ANK2: variants seen among roughly 807,000 people sequenced by gnomAD.
The protein encoded by ANK2 is ankyrin-2.
Under a neutral mutation model 360.5 loss-of-function variants are expected in ANK2, and 83 were observed. The observed-to-expected ratio is 0.23, with a 90% CI of 0.19 to 0.28. The LOEUF (loss-of-function observed/expected upper bound fraction) is 0.28. Among genes scored for constraint, ANK2 ranks in the 10% least tolerant of loss-of-function variants. The pLI is 1.00. For synonymous variants in ANK2, 1,740 were observed against 1,759.5 expected (o/e 0.99, Z 0.28); for missense variants, 4,201 against 4,795.7 (o/e 0.88, Z 3.66).
chr4:113,204,104 C>T (rs917511114), intron 4 of ANK2, among the ~76,000 whole-genome samples: 8 of 151,874 alleles, frequency 5.3e-5, no homozygotes, highest in African/African-American at 1.5e-4. Context: ...ATTTTTAGTT[C>T]TCATATAAGA....
In ANK2 at chr4:113,292,379, A is replaced by G. The variant is rs776456128; in HGVS notation, c.2278-37A>G. On this transcript the variant is annotated intron_variant, in intron 20 of 45. Coordinates refer to ENST00000357077, the MANE Select transcript of ANK2 (RefSeq NM_001148.6). ...AACCTAATTTTCCTCTCCCTCTGCC[A>G]ATCGGGTGCTGGGCCCGCCACCACT... 1.9e-6 allele frequency: 3 copies of G among 1,561,998 alleles called. No homozygotes were observed. In the African/African-American group the frequency reaches 4.1e-5, roughly 21 times the overall value.
In ANK2 at chr4:113,181,965, G is replaced by A. The variant is rs185294666; in HGVS notation, c.186+7448G>A. 3.1e-3 allele frequency among the ~76,000 whole-genome samples: 462 copies of A among 148,694 alleles called. 9 individuals carry two copies. The highest frequency in any genetic ancestry group is 0.026 in the Admixed American group (386 of 14,912). Reference sequence around the variant, plus strand: ...TAGTGGAAGAGTGACATACGCTGACGAGTCTTAATAGTAAGGCTCAGGCTG... The same window carrying A: ...TAGTGGAAGAGTGACATACGCTGACAAGTCTTAATAGTAAGGCTCAGGCTG... On this transcript the variant is annotated intron_variant, in intron 2 of 45. Transcript: ENST00000357077.
Position 112,865,247 on chromosome 4 carries a change from T to A in ANK2, c.-39-39208T>A, listed in dbSNP as rs1264608747. Among the ~76,000 whole-genome samples the A allele has an allele frequency of 2.6e-5, 4 of 152,058 alleles. No homozygotes were observed. The South Asian group carries it at 8.3e-4, about 32-fold the overall frequency. The stretch of plus-strand genomic sequence containing the variant: ...CTCTAGTACAAGTCATGAAACTTAA[T>A]GTCGGCAGTTTTAAAAACTGCAGTA... On this transcript the variant is annotated intron_variant, in intron 1 of 30. Coordinates refer to the ANK2 transcript ENST00000503271.
intron 1 of ANK2, among the ~76,000 whole-genome samples, chr4:113,156,831 C>T (rs7679631): frequency 0.69 from 102,925 of 150,226 alleles, 35,861 homozygotes; most frequent in African/African-American, 0.8. Flanking sequence ...TGCGTGCACA[C>T]TTTCACAGTA....
At position 113,380,509 on chromosome 4, in the gene ANK2, A is replaced by G. The variant is rs188755532; in HGVS notation, c.11860-948A>G. 2.0e-4 allele frequency among the ~76,000 whole-genome samples: 31 copies of G among 152,232 alleles called. 1 individual carries two copies. The East Asian group carries it at 6.0e-3, about 29-fold the overall frequency. ...AACCCTGTCTCTACTAAAGATACCA[A>G]AAATTAGCTGGGTGTGGTGGCACAC... is the stretch of plus-strand genomic sequence containing the variant. On this transcript the variant is annotated intron_variant, in intron 45 of 45. Transcript: ENST00000357077.
intron 1 of ANK2, chr4:113,141,548 G>A (rs558484549): frequency 2.6e-5 from 4 of 152,210 alleles, no homozygotes; most frequent in African/African-American, 9.6e-5. Flanking sequence ...ATTTGATAAA[G>A]GTTACAAAAG....
chr4:112,991,619 C>CTTTT (rs35505334), intron 2 of ANK2, among the ~76,000 whole-genome samples: 24 of 125,808 alleles, frequency 1.9e-4, no homozygotes, highest in Admixed American at 3.5e-4. Context: ...TTCTTTCTTT[C>CTTTT]TTTTTTTTTT....
chr4:113,251,541 G>C (rs996956074), intron 10 of ANK2, among the ~76,000 whole-genome samples: 3 of 140,528 alleles, frequency 2.1e-5, no homozygotes, highest in African/African-American at 8.2e-5. Context: ...GGAGTGCAGT[G>C]GCACGATCTC....
chr4:113,134,281 CTTTTT>C (rs5861124), intron 1 of ANK2, among the ~76,000 whole-genome samples: 56 of 86,096 alleles, frequency 6.5e-4, no homozygotes, highest in Admixed American at 1.7e-3. Flanking sequence ...TGAAAGTTGT[CTTTTT>C]TTTTTTTTTT....
chr4:112,729,478 G>A, the ANK2 span, among the ~76,000 whole-genome samples: 8 of 152,012 alleles, frequency 5.3e-5, no homozygotes, highest in Non-Finnish European at 1.2e-4. Context: ...AATCTGGGCC[G>A]GACACGATAG....
the ANK2 span, among the ~76,000 whole-genome samples, chr4:112,748,478 C>G: frequency 1.3e-5 from 2 of 152,188 alleles, no homozygotes; most frequent in East Asian, 3.9e-4. Flanking sequence ...AGAGGCATAG[C>G]TTAATGACAT....
chr4:113,022,560 A>G (rs1328554743), intron 2 of ANK2, among the ~76,000 whole-genome samples: 4 of 152,236 alleles, frequency 2.6e-5, no homozygotes, highest in African/African-American at 7.2e-5. Context: ...ATTTTAGGGT[A>G]TCGTTCATTC....
chr4:113,297,967 G>T (rs1005141450), intron 22 of ANK2, among the ~76,000 whole-genome samples: 1 of 151,962 alleles, frequency 6.6e-6, no homozygotes, highest in Non-Finnish European at 1.5e-5. Context: ...GTATTGTTTT[G>T]TAGAGACGGG....
Position 113,363,555 on chromosome 4 carries a change from A to G in ANK2, c.10888+86A>G. The G allele has an allele frequency of 5.3e-6, 8 of 1,504,244 alleles. No homozygotes were observed. The South Asian group carries it at 5.7e-5, about 11-fold the overall frequency. The allele number at this position is 1,504,244 out of a possible 1,614,324, so 93.2% of individuals were successfully genotyped here. A position where few individuals can be genotyped will look rare whatever the true frequency, so the allele number is the denominator to read the frequency against. ...ATCTTGCAAATTCAGTAGAATAGTA[A>G]AGAAGCAAATGCCATTAATCTGCAG... is the stretch of plus-strand genomic sequence containing the variant. On this transcript the variant is annotated intron_variant, in intron 40 of 45. Coordinates refer to ENST00000357077, the MANE Select transcript of ANK2 (RefSeq NM_001148.6).
At chr4:113,279,956 A>G (rs1037023508) in intron 17 of ANK2, among the ~76,000 whole-genome samples, 1 of 152,010 alleles carries the variant, frequency 6.6e-6, no homozygotes, top group Non-Finnish European at 1.5e-5. Flanking sequence ...TATCATATTC[A>G]TTTGCATATC....
chr4:113,107,984 GA>G, intron 1 of ANK2, among the ~76,000 whole-genome samples: 1 of 152,258 alleles, frequency 6.6e-6, no homozygotes, highest in East Asian at 1.9e-4. Flanking sequence ...TTAAAGTGGA[GA>G]AAAAACTGAT....
chr4:112,794,242 A>G, the ANK2 span, among the ~76,000 whole-genome samples: 2 of 152,198 alleles, frequency 1.3e-5, no homozygotes, highest in African/African-American at 4.8e-5. Context: ...ATTTGCATGG[A>G]TTTCTAACTT....
chr4:112,995,332 T>C (rs6852844), intron 2 of ANK2, among the ~76,000 whole-genome samples: 94,756 of 152,044 alleles, frequency 0.62, 30,949 homozygotes, highest in Admixed American at 0.73. Flanking sequence ...TATGTCATTG[T>C]GGTTTTTGCA....
chr4:112,710,922 T>C, the ANK2 span, among the ~76,000 whole-genome samples: 1 of 139,102 alleles, frequency 7.2e-6, no homozygotes, highest in Non-Finnish European at 1.5e-5. Flanking sequence ...TATATATATA[T>C]ATGTATATAT....
Sources: allele counts gnomAD v4.1 joint callset (sites outside exome capture counted in the v4.1 genomes callset), GRCh38; gene constraint gnomAD v4.1.1; transcripts MANE v1.5; gene names NCBI Gene and HGNC (gene_info 2026-07-23, HGNC 2026-07-21).